The following LEPR variants were observed in gnomAD, a reference collection of about 807,000 sequenced individuals.
The protein encoded by LEPR is OB receptor.
Under a neutral mutation model 114.7 loss-of-function variants are expected in LEPR, and 56 were observed. The observed-to-expected ratio is 0.49, with a 90% CI of 0.39 to 0.61. LEPR has a LOEUF of 0.61. Ranked by LOEUF, LEPR falls within the 20% of genes least tolerant of loss-of-function variation. The probability of loss-of-function intolerance (pLI) is 0.00; values close to 1 mark genes in which losing one functional copy is unlikely to be tolerated. For synonymous variants in LEPR, 443 were observed against 461.4 expected (o/e 0.96, Z 0.51); for missense variants, 1,202 against 1,352.9 (o/e 0.89, Z 1.75).
At chr1:65,584,048 G>C (rs1232546905) in intron 5 of LEPR, among the ~76,000 whole-genome samples, 5 of 152,116 alleles carry the variant, frequency 3.3e-5, no homozygotes, top group Admixed American at 2.0e-4. Context: ...GCTAGGCTCT[G>C]TAAGGGGTGC....
intron 2 of LEPR, among the ~76,000 whole-genome samples, chr1:65,458,705 G>T (rs1173138457): frequency 6.6e-6 from 1 of 152,114 alleles, no homozygotes; most frequent in Non-Finnish European, 1.5e-5. Flanking sequence ...GGCATTGTGT[G>T]AGCTTCCTGA....
intron 2 of LEPR, among the ~76,000 whole-genome samples, chr1:65,513,991 G>A (rs566725590): frequency 5.9e-5 from 9 of 152,192 alleles, no homozygotes; most frequent in Non-Finnish European, 1.0e-4. Context: ...AAGAAAATTC[G>A]GTTACTGCAT....
intron 2 of LEPR, among the ~76,000 whole-genome samples, chr1:65,505,621 T>G (rs1257373211): frequency 1.3e-5 from 2 of 152,162 alleles, no homozygotes; most frequent in African/African-American, 4.8e-5. Context: ...TGGCTGCGTT[T>G]GTTGCAACTC....
intron 2 of LEPR, among the ~76,000 whole-genome samples, chr1:65,526,903 A>G (rs1263400730): frequency 6.6e-6 from 1 of 152,236 alleles, no homozygotes; most frequent in African/African-American, 2.4e-5. Flanking sequence ...TCTTGGCACT[A>G]GTTTATATGC....
chr1:65,454,197 C>T (rs936120594), intron 2 of LEPR, among the ~76,000 whole-genome samples: 2 of 152,008 alleles, frequency 1.3e-5, no homozygotes, highest in Admixed American at 6.6e-5. Context: ...AGATGGGTTT[C>T]CTGAATACAG....
At chr1:65,504,091 C>T (rs879819655) in intron 2 of LEPR, among the ~76,000 whole-genome samples, 2 of 151,970 alleles carry the variant, frequency 1.3e-5, no homozygotes, top group African/African-American at 2.4e-5. Context: ...TACGCTGGGA[C>T]GATTTGAGCA....
intron 5 of LEPR, among the ~76,000 whole-genome samples, chr1:65,587,761 A>G (rs940299284): frequency 6.6e-6 from 1 of 152,094 alleles, no homozygotes; most frequent in Admixed American, 6.6e-5. Flanking sequence ...GTAAAGTAAT[A>G]ATAAATTCTA....
intron 2 of LEPR, chr1:65,525,646 C>CA (rs1192312405): frequency 1.0e-6 from 1 of 985,698 alleles, no homozygotes; most frequent in Non-Finnish European, 1.2e-6. Flanking sequence ...CCCACCTCCC[C>CA]ACGCACTCGG....
At chr1:65,460,651 G>A (rs899304349) in intron 2 of LEPR, among the ~76,000 whole-genome samples, 4 of 152,148 alleles carry the variant, frequency 2.6e-5, no homozygotes, top group Admixed American at 6.5e-5. Flanking sequence ...TTGGGAGGCC[G>A]TTCGAGACCA....
At chr1:65,525,487 C>T (rs1649876456) in intron 2 of LEPR, 3 of 296,388 alleles carry the variant, frequency 1.0e-5, no homozygotes, top group Non-Finnish European at 1.0e-5. Context: ...CGGCATTCCC[C>T]GCCGCCGCCC....
chr1:65,557,280 G>C, intron 2 of LEPR, among the ~76,000 whole-genome samples: 1 of 152,224 alleles, frequency 6.6e-6, no homozygotes, highest in South Asian at 2.1e-4. Context: ...CATAAGAAAA[G>C]TTAGAACAAA....
chr1:65,565,430 C>T lies in LEPR; in HGVS notation c.-20-116C>T, dbSNP rs548078060. The T allele has an allele frequency of 7.8e-4, 735 of 938,734 alleles. 3 individuals are homozygous for T. The highest frequency in any genetic ancestry group is 1.1e-3 in the Non-Finnish European group (655 of 608,486). The allele number at this position is 938,734 out of a possible 1,614,324, so 58.2% of individuals were successfully genotyped here. On this transcript the variant is annotated intron_variant, in intron 2 of 19. Coordinates refer to ENST00000349533, the MANE Select transcript of LEPR (RefSeq NM_002303.6). ...TCTCAGATATTGATCTAGAGTATCA[C>T]ATGTAAATTTAGAGACTTATCTATA...
In LEPR at chr1:65,637,770, T is replaced by G. The variant is rs1009052118; in HGVS notation, c.*755T>G. The G allele has an allele frequency of 6.6e-6, 1 of 152,286 alleles. No individual in the cohort carries two copies. Among genetic ancestry groups the G allele is most frequent in the Non-Finnish European group, 1.5e-5 (1 of 68,088 alleles). The allele number at this position is 152,286 out of a possible 1,614,324, so 9.4% of individuals were successfully genotyped here. A position where few individuals can be genotyped will look rare whatever the true frequency, so the allele number is the denominator to read the frequency against. On this transcript the variant is annotated 3_prime_UTR_variant, in exon 20 of 20. Coordinates refer to ENST00000349533, the MANE Select transcript of LEPR (RefSeq NM_002303.6). Reference sequence around the variant, plus strand: ...GTCTTCCCCCATCCCCACCTGGACATATCCTATTTTTTCCCCTCACTGAGC... The same window carrying G: ...GTCTTCCCCCATCCCCACCTGGACAGATCCTATTTTTTCCCCTCACTGAGC...
At chr1:65,421,183 A>G (rs997077261) in intron 1 of LEPR, 2 of 794,780 alleles carry the variant, frequency 2.5e-6, no homozygotes, top group Non-Finnish European at 3.8e-6. Context: ...CTTTTTCCTA[A>G]TGATTTTTCC....
Position 65,520,054 on chromosome 1 carries a change from G to A in LEPR, c.-20-45492G>A, listed in dbSNP as rs781211878. Among the ~76,000 whole-genome samples, 9 of 152,126 alleles carry A rather than the reference G, an allele frequency of 5.9e-5. 1 individual carries two copies. Among genetic ancestry groups the A allele is most frequent in the Middle Eastern group, 6.8e-3 (2 of 292 alleles). The stretch of plus-strand genomic sequence containing the variant: ...AATTTTTTGTATTTTAAGTAGAGAC[G>A]GGGTTTCACCGTGTTAGCCAGAATG... On this transcript the variant is annotated intron_variant, in intron 2 of 19. Transcript: ENST00000349533.
chr1:65,434,029 T>C, intron 2 of LEPR: 1 of 985,378 alleles, frequency 1.0e-6, no homozygotes, highest in Non-Finnish European at 1.2e-6. Context: ...TTTGCAAAAG[T>C]GTTTTTGTTG....
At chr1:65,425,476 A>G in intron 2 of LEPR, 98 bp downstream of exon 2, 1 of 1,016,648 alleles carries the variant, frequency 9.8e-7, no homozygotes, top group Non-Finnish European at 1.4e-6. Flanking sequence ...ACCAAGTTCT[A>G]ACCAGTGAGT....
At position 65,641,510 on chromosome 1, in the gene LEPR, T is replaced by G. The variant is rs1644866671; in HGVS notation, c.*4495T>G. 6.6e-6 allele frequency: 1 copy of G among 152,222 alleles called. No individual in the cohort carries two copies. Among genetic ancestry groups the G allele is most frequent in the African/African-American group, 2.4e-5 (1 of 41,456 alleles). 9.4% of individuals were successfully genotyped at this position (152,222 alleles called of 1,614,324 possible). A position where few individuals can be genotyped will look rare whatever the true frequency, so the allele number is the denominator to read the frequency against. ...TGACAGTATATTTATCTTTTTATCA[T>G]TATGAATTATAAGCAGTGTTAATTT... is the stretch of plus-strand genomic sequence containing the variant. On this transcript the variant is annotated 3_prime_UTR_variant, in exon 20 of 20. Coordinates refer to ENST00000349533, the MANE Select transcript of LEPR (RefSeq NM_002303.6).
intron 2 of LEPR, among the ~76,000 whole-genome samples, chr1:65,477,110 G>A (rs1294610040): frequency 2.6e-5 from 4 of 152,082 alleles, no homozygotes; most frequent in Non-Finnish European, 4.4e-5. Flanking sequence ...TAATCTTTTA[G>A]ACATAATTTT....
Sources: allele counts gnomAD v4.1 joint callset (sites outside exome capture counted in the v4.1 genomes callset), GRCh38; gene constraint gnomAD v4.1.1; transcripts MANE v1.5; gene names NCBI Gene and HGNC (gene_info 2026-07-23, HGNC 2026-07-21).